The following KHDRBS1 variants were observed in gnomAD, a reference collection of about 807,000 sequenced individuals.
KHDRBS1 encodes the protein KH domain-containing, RNA-binding, signal transduction-associated protein 1.
KHDRBS1 carries 7 observed loss-of-function variants against 48.4 expected under a neutral mutation model. The ratio of observed to expected loss-of-function variants is 0.14; its 90% CI spans 0.08 to 0.27. The LOEUF is 0.27. Among genes scored for constraint, KHDRBS1 ranks in the 10% least tolerant of loss-of-function variants. The pLI, the probability that KHDRBS1 is intolerant of heterozygous loss-of-function variation, is 1.00. For synonymous variants in KHDRBS1, 241 were observed against 235.8 expected (o/e 1.02, Z -0.20); for missense variants, 458 against 601.2 (o/e 0.76, Z 2.49).
intron 3 of KHDRBS1, 94 bp downstream of exon 3, chr1:32,031,734 G>A (rs972635262): frequency 5.6e-6 from 4 of 713,124 alleles, no homozygotes; most frequent in African/African-American, 3.6e-5. Context: ...CAAGAATTTT[G>A]TATGTGTACA....
chr1:32,051,949 C>G (rs1639427571), intron 10 of KHDRBS1, among the ~76,000 whole-genome samples: 1 of 152,232 alleles, frequency 6.6e-6, no homozygotes, highest in East Asian at 1.9e-4. Context: ...CTGCTGTTTG[C>G]TGGCAGTACT....
intron 7 of KHDRBS1, among the ~76,000 whole-genome samples, chr1:32,038,926 A>G (rs920278822): frequency 2.0e-5 from 3 of 152,220 alleles, no homozygotes; most frequent in Non-Finnish European, 4.4e-5. Flanking sequence ...ACCTTAAATT[A>G]TAATTTAGAA....
At position 32,014,033 on chromosome 1, in the gene KHDRBS1, G is replaced by C; in HGVS notation, c.38G>C (p.Arg13Pro). Residue 13 changes from arginine to proline, a missense_variant, in exon 1 of 9, where the codon CGG becomes CCG. Arg to Pro is a moderately radical substitution (Grantham distance 103). This residue lies in a region of KHDRBS1 where 213 missense variants were observed against 215.6 expected (regional missense o/e 0.99). Coordinates refer to ENST00000327300, the MANE Select transcript of KHDRBS1 (RefSeq NM_006559.3). Reference protein sequence around the residue: ...RRDDPAARMSRSSGRSGSMDP... With the variant: ...RRDDPAARMSPSSGRSGSMDP... ...GACGACCCCGCCGCGCGCATGAGCCGGTCTTCGGGCCGTAGCGGCTCCATG... is the reference window on the plus strand; with the variant it reads ...GACGACCCCGCCGCGCGCATGAGCCCGTCTTCGGGCCGTAGCGGCTCCATG... 1 of 1,526,758 alleles carries C rather than the reference G, an allele frequency of 6.5e-7. No homozygotes were observed. Among genetic ancestry groups the C allele is most frequent in the Non-Finnish European group, 8.7e-7 (1 of 1,148,508 alleles). 94.6% of individuals were successfully genotyped at this position (1,526,758 alleles called of 1,614,324 possible).
downstream of KHDRBS1, among the ~76,000 whole-genome samples, chr1:32,044,424 T>C (rs1306225561): frequency 6.6e-6 from 1 of 152,244 alleles, no homozygotes; most frequent in African/African-American, 2.4e-5. Context: ...AGGCTGGCTC[T>C]GAACCCCCTC....
At chr1:32,059,463 C>T (rs1639519328) in intron 10 of KHDRBS1, among the ~76,000 whole-genome samples, 1 of 151,612 alleles carries the variant, frequency 6.6e-6, no homozygotes, top group Non-Finnish European at 1.5e-5. Flanking sequence ...TCACTTTAGC[C>T]CAGGAGATCA....
At chr1:32,055,513 C>A (rs1384029026) in intron 10 of KHDRBS1, among the ~76,000 whole-genome samples, 1 of 152,090 alleles carries the variant, frequency 6.6e-6, no homozygotes, top group African/African-American at 2.4e-5. Context: ...CATGTACCTC[C>A]TGCTCCCCAG....
At chr1:32,039,269 T>C (rs889753398) in intron 7 of KHDRBS1, among the ~76,000 whole-genome samples, 1 of 152,216 alleles carries the variant, frequency 6.6e-6, no homozygotes, top group African/African-American at 2.4e-5. Flanking sequence ...AAAGGGTCAA[T>C]TTAGGATTGT....
Position 32,014,316 on chromosome 1 carries a change from C to A in KHDRBS1, c.321C>A (p.Leu107=). ...CAGAGAACAAGTACCTGCCCGAACT[C>A]ATGGCCGAGAAGGACTCGCTCGACC... The part of the protein sequence containing the change: ...MEPENKYLPE[L]MAEKDSLDPS... The change falls in exon 1 of 9, where the codon CTC becomes CTA. Residue 107 remains leucine, a synonymous_variant. Transcript: ENST00000327300. 2 of 1,557,968 alleles carry A rather than the reference C, an allele frequency of 1.3e-6. No individual in the cohort carries two copies. Among genetic ancestry groups the A allele is most frequent in the Non-Finnish European group, 1.7e-6 (2 of 1,151,556 alleles).
chr1:32,051,044 C>T (rs1018649816), intron 10 of KHDRBS1, among the ~76,000 whole-genome samples: 1 of 151,782 alleles, frequency 6.6e-6, no homozygotes, highest in Non-Finnish European at 1.5e-5. Flanking sequence ...ATTACAGGCG[C>T]CCACCACCAT....
At position 32,043,619 on chromosome 1, in the gene KHDRBS1, A is replaced by G. The variant is rs531932744; in HGVS notation, c.*995A>G. The G allele has an allele frequency of 1.3e-5, 2 of 152,786 alleles. No homozygotes were observed. The highest frequency in any genetic ancestry group is 2.9e-5 in the Non-Finnish European group (2 of 68,034). The allele number at this position is 152,786 out of a possible 1,614,324, so 9.5% of individuals were successfully genotyped here. ...TTTTCTTAAGTTGACGGTTGTCAAT[A>G]TATCGAACTGTTCCCAAGTTAGTCA... On this transcript the variant is annotated 3_prime_UTR_variant, in exon 9 of 9. Coordinates refer to ENST00000327300, the MANE Select transcript of KHDRBS1 (RefSeq NM_006559.3).
Position 32,014,373 on chromosome 1 carries a change from G to C in KHDRBS1, c.378G>C (p.Thr126=), listed in dbSNP as rs1208414256. ...TCACTCACGCCATGCAGCTGCTGAC[G>C]GCAGGTAAGGGGGCCTCCCGTGTCC... is the stretch of plus-strand genomic sequence containing the variant. ...PSFTHAMQLL[T]AEIEKIQKGD... Residue 126 remains threonine (T), a synonymous_variant, in exon 1 of 9, where the codon ACG becomes ACC. Transcript: ENST00000327300. 4 of 1,415,558 alleles carry C rather than the reference G, an allele frequency of 2.8e-6. No individual in the cohort carries two copies. The highest frequency in any genetic ancestry group is 2.9e-5 in the African/African-American group (2 of 68,518). 87.7% of individuals were successfully genotyped at this position (1,415,558 alleles called of 1,614,324 possible).
rs1385528436 is a variant in KHDRBS1, at chr1:32,033,473, A to C, written c.771+139A>C. 6.0e-6 allele frequency: 7 copies of C among 1,166,156 alleles called. No homozygotes were observed. The East Asian group carries it at 1.7e-4, about 29-fold the overall frequency. 72.2% of individuals were successfully genotyped at this position (1,166,156 alleles called of 1,614,324 possible). The stretch of plus-strand genomic sequence containing the variant: ...TTCTGCACTTATGTTCATTTTCCTT[A>C]GGTAGTTCGTTACTTGCACCTAGTT... On this transcript the variant is annotated intron_variant, in intron 4 of 8. Transcript: ENST00000327300.
intron 10 of KHDRBS1, chr1:32,052,630 C>T (rs572525378): frequency 6.6e-6 from 1 of 152,186 alleles, no homozygotes; most frequent in African/African-American, 2.4e-5. Flanking sequence ...ATCTCCTGAC[C>T]TCGTGATCCA....
intron 10 of KHDRBS1, among the ~76,000 whole-genome samples, chr1:32,051,123 C>T (rs1269374988): frequency 2.6e-5 from 4 of 152,114 alleles, no homozygotes; most frequent in African/African-American, 9.7e-5. Context: ...ATCTCGAACT[C>T]CTGACCTCAG....
At position 32,042,634 on chromosome 1, in the gene KHDRBS1, T is replaced by A. The variant is rs1028071205; in HGVS notation, c.*10T>A. On this transcript the variant is annotated 3_prime_UTR_variant, in exon 9 of 9. Coordinates refer to ENST00000327300, the MANE Select transcript of KHDRBS1 (RefSeq NM_006559.3). ...ATATGGACGTTATTAAAAACAAACATGAGGGGAAAATATCAGTTATGAGCA... is the reference window on the plus strand; with the variant it reads ...ATATGGACGTTATTAAAAACAAACAAGAGGGGAAAATATCAGTTATGAGCA... The A allele has an allele frequency of 2.0e-6, 3 of 1,538,156 alleles. No homozygotes were observed. Among genetic ancestry groups the A allele is most frequent in the East Asian group, 2.2e-5 (1 of 44,540 alleles).
intron 5 of KHDRBS1, among the ~76,000 whole-genome samples, chr1:32,037,399 A>G (rs1639204038): frequency 6.6e-6 from 1 of 151,784 alleles, no homozygotes; most frequent in Non-Finnish European, 1.5e-5. Context: ...AGCCGAGATC[A>G]TGCCACTGCA....
At position 32,023,224 on chromosome 1, in the gene KHDRBS1, G is replaced by T. The variant is rs370262736; in HGVS notation, c.383-7074G>T. Among the ~76,000 whole-genome samples the T allele has an allele frequency of 1.6e-4, 24 of 152,216 alleles. No homozygotes were observed. The East Asian group carries it at 4.2e-3, about 27-fold the overall frequency. Reference sequence around the variant, plus strand: ...ATCTACAAAAAAAACAAAAGTGGGGGGTGGGAAAGGTTAAGTTATAGTAAA... The same window carrying T: ...ATCTACAAAAAAAACAAAAGTGGGGTGTGGGAAAGGTTAAGTTATAGTAAA... On this transcript the variant is annotated intron_variant, in intron 1 of 8. Transcript: ENST00000327300.
intron 1 of KHDRBS1, among the ~76,000 whole-genome samples, chr1:32,022,600 C>T (rs1057223526): frequency 6.6e-6 from 1 of 151,950 alleles, no homozygotes; most frequent in African/African-American, 2.4e-5. Context: ...CCATATCAAA[C>T]GTTCAGTTGG....
At chr1:32,015,841 G>A (rs1638729261) in intron 1 of KHDRBS1, among the ~76,000 whole-genome samples, 1 of 152,202 alleles carries the variant, frequency 6.6e-6, no homozygotes, top group South Asian at 2.1e-4. Flanking sequence ...TTGTGCGGAA[G>A]TGAGACTTTG....
Sources: gnomAD v4.1 joint callset for allele counts (sites outside exome capture counted in the v4.1 genomes callset) on GRCh38, gnomAD v4.1.1 for gene constraint, gnomAD v4.1.1 regional missense constraint, MANE v1.5 for transcripts, NCBI Gene and HGNC (gene_info 2026-07-23, HGNC 2026-07-21) for gene names.